GLG1: variants seen among roughly 807,000 people sequenced by gnomAD.
GLG1 encodes the protein golgi glycoprotein 1.
Under a neutral mutation model 160.5 loss-of-function variants are expected in GLG1, and 38 were observed. That is an observed-to-expected ratio of 0.24 (90% confidence interval 0.18 to 0.31). The LOEUF is 0.31. Among genes scored for constraint, GLG1 ranks in the 10% least tolerant of loss-of-function variants. GLG1 has a pLI of 1.00. For missense variants in GLG1, 1,373 were observed against 1,505.2 expected, an observed-to-expected ratio of 0.91 and a Z score of 1.45; for synonymous variants, 644 against 543.4, an observed-to-expected ratio of 1.19 and a Z score of -2.57.
chr16:74,467,288 G>C (rs1051089930), intron 18 of GLG1, among the ~76,000 whole-genome samples: 7 of 152,274 alleles, frequency 4.6e-5, no homozygotes, highest in Non-Finnish European at 5.9e-5. Flanking sequence ...AAAATCATTT[G>C]TTTGTATGTA....
chr16:74,469,855 GGA>G lies in GLG1; in HGVS notation c.2318+128_2318+129del. 20 of 683,882 alleles carry G rather than the reference GGA, an allele frequency of 2.9e-5. No individual in the cohort carries two copies. The South Asian group carries it at 3.3e-4, about 11-fold the overall frequency. 42.4% of individuals were successfully genotyped at this position (683,882 alleles called of 1,614,324 possible). A position where few individuals can be genotyped will look rare whatever the true frequency, so the allele number is the denominator to read the frequency against. ...CCGAGTGTTTGCCACGCTAATCAAA[GGA>G]GAGATGCGGGAGGCCTCCAGGGCTA... On this transcript the variant is annotated intron_variant, in intron 16 of 25. Coordinates refer to ENST00000422840, the MANE Select transcript of GLG1 (RefSeq NM_001145667.2).
Position 74,561,792 on chromosome 16 carries a change from G to T in GLG1, c.439-29639C>A, listed in dbSNP as rs536662276. On this transcript the variant is annotated intron_variant, in intron 1 of 25. Coordinates refer to ENST00000422840, the MANE Select transcript of GLG1 (RefSeq NM_001145667.2). ...CACAGAGATCCTGCACAGCCACCTG[G>T]TCCTTCCTGAATCCGTAAATCTTCC... Among the ~76,000 whole-genome samples, 72 of 152,240 alleles carry T rather than the reference G, an allele frequency of 4.7e-4. 1 individual carries two copies. In the South Asian group the frequency reaches 0.015, roughly 31 times the overall value.
intron 2 of GLG1, among the ~76,000 whole-genome samples, chr16:74,528,552 C>A (rs1449580059): frequency 6.6e-6 from 1 of 151,784 alleles, no homozygotes; most frequent in Non-Finnish European, 1.5e-5. Context: ...TGGCTCACAC[C>A]TATAATCCCA....
At chr16:74,587,411 T>A (rs972730101) in intron 1 of GLG1, among the ~76,000 whole-genome samples, 2 of 151,976 alleles carry the variant, frequency 1.3e-5, no homozygotes, top group Non-Finnish European at 2.9e-5. Flanking sequence ...GAATAAAGAG[T>A]TCTGTACTGA....
intron 2 of GLG1, among the ~76,000 whole-genome samples, chr16:74,531,393 A>G (rs2017527161): frequency 6.6e-6 from 1 of 152,200 alleles, no homozygotes; most frequent in Non-Finnish European, 1.5e-5. Flanking sequence ...ATCTCGGCTC[A>G]ATGAAACCTC....
At chr16:74,511,477 C>G (rs927518302) in intron 2 of GLG1, among the ~76,000 whole-genome samples, 3 of 151,032 alleles carry the variant, frequency 2.0e-5, no homozygotes, top group Non-Finnish European at 4.4e-5. Context: ...CATGGGGAAA[C>G]CCGGTCTCTA....
At position 74,606,891 on chromosome 16, in the gene GLG1, C is replaced by A; in HGVS notation, c.204G>T (p.Gln68His). ...PAGQQLPQLP[Q>H]SSQLQQQQQQ... is the part of the protein sequence containing the mutation. Reference sequence around the variant, plus strand: ...GCTGTTGCTGCTGAAGCTGCGATGACTGAGGCAGCTGGGGCAGCTGCTGAC... The same window carrying A: ...GCTGTTGCTGCTGAAGCTGCGATGAATGAGGCAGCTGGGGCAGCTGCTGAC... The change falls in exon 1 of 26, where the codon CAG becomes CAT. Residue 68 changes from glutamine to histidine, a missense_variant. By Grantham distance (24) the Gln-to-His change is conservative. Transcript: ENST00000422840. 6.2e-7 allele frequency: 1 copy of A among 1,602,784 alleles called. No individual in the cohort carries two copies. Among genetic ancestry groups the A allele is most frequent in the Non-Finnish European group, 8.5e-7 (1 of 1,176,050 alleles).
chr16:74,556,532 T>C (rs1010667290), intron 1 of GLG1, among the ~76,000 whole-genome samples: 9 of 151,944 alleles, frequency 5.9e-5, no homozygotes, highest in African/African-American at 9.7e-5. Context: ...ACAAATAAAA[T>C]AGTCAGCTGG....
At chr16:74,586,368 A>T (rs1215065835) in intron 1 of GLG1, among the ~76,000 whole-genome samples, 2 of 152,154 alleles carry the variant, frequency 1.3e-5, no homozygotes, top group African/African-American at 4.8e-5. Context: ...TATCTTGTAC[A>T]CTGGTAAAGG....
intron 8 of GLG1, among the ~76,000 whole-genome samples, chr16:74,486,986 T>C (rs1449107065): frequency 6.6e-6 from 1 of 150,690 alleles, no homozygotes; most frequent in Admixed American, 6.7e-5. Context: ...TGATCTCTGC[T>C]CACTGCAACC....
At chr16:74,506,435 A>G (rs2016605306) in intron 3 of GLG1, among the ~76,000 whole-genome samples, 1 of 151,444 alleles carries the variant, frequency 6.6e-6, no homozygotes, top group Non-Finnish European at 1.5e-5. Context: ...AAAAAAAATT[A>G]GCCATGTGTG....
intron 1 of GLG1, among the ~76,000 whole-genome samples, chr16:74,588,134 C>T (rs964722321): frequency 5.3e-5 from 8 of 151,940 alleles, no homozygotes; most frequent in African/African-American, 1.7e-4. Flanking sequence ...ACAGAGCCCA[C>T]TTGTGGGACA....
At chr16:74,603,084 C>T (rs1331017815) in intron 1 of GLG1, among the ~76,000 whole-genome samples, 1 of 143,962 alleles carries the variant, frequency 6.9e-6, no homozygotes, top group Non-Finnish European at 1.6e-5. Flanking sequence ...GGCAAGACTT[C>T]GTCTCAAACA....
In GLG1 at chr16:74,477,553, C is replaced by A. The variant is rs1245826706; in HGVS notation, c.1828-20G>T. ...TGAGAGCTGCATGAGAAAAAATGAG[C>A]TAAATACTTGAAAGGTAACAAAACA... On this transcript the variant is annotated intron_variant, in intron 11 of 25. Coordinates refer to ENST00000422840, the MANE Select transcript of GLG1 (RefSeq NM_001145667.2). The A allele has an allele frequency of 6.2e-7, 1 of 1,601,132 alleles. No homozygotes were observed. Among genetic ancestry groups the A allele is most frequent in the Non-Finnish European group, 8.5e-7 (1 of 1,171,988 alleles).
intron 1 of GLG1, among the ~76,000 whole-genome samples, chr16:74,567,905 T>C (rs1349235796): frequency 6.6e-6 from 1 of 152,122 alleles, no homozygotes; most frequent in Non-Finnish European, 1.5e-5. Context: ...TCTAGCCTCC[T>C]GGCTTTCTTT....
chr16:74,534,494 T>C (rs2017633419), intron 1 of GLG1, among the ~76,000 whole-genome samples: 3 of 152,326 alleles, frequency 2.0e-5, no homozygotes, highest in African/African-American at 7.2e-5. Flanking sequence ...GGTGCATTCT[T>C]GAAAGAAATT....
rs2014384769 is a variant in GLG1 at position 74,452,977 on chromosome 16, A to T, written c.*190T>A. 1 of 1,304,560 alleles carries T rather than the reference A, an allele frequency of 7.7e-7. No individual in the cohort carries two copies. The highest frequency in any genetic ancestry group is 9.7e-7 in the Non-Finnish European group (1 of 1,027,346). The allele number at this position is 1,304,560 out of a possible 1,614,324, so 80.8% of individuals were successfully genotyped here. On this transcript the variant is annotated 3_prime_UTR_variant, in exon 26 of 26. Coordinates refer to ENST00000422840, the MANE Select transcript of GLG1 (RefSeq NM_001145667.2). The stretch of plus-strand genomic sequence containing the variant: ...CCCAGCGACCAGCTGCTGCTGCTGC[A>T]CGGTGAGGAGGAGGAGGACACCATG...
At position 74,607,023 on chromosome 16, in the gene GLG1, C is replaced by A; in HGVS notation, c.72G>T (p.Ala24=). The change falls in exon 1 of 26, where the codon GCG becomes GCT. Residue 24 remains alanine, a synonymous_variant. Transcript: ENST00000422840. ...SAALHLLLLF[A]AGAEKLPGQG... is the part of the protein sequence containing the mutation. ...GGCCGGGGAGTTTCTCGGCCCCGGC[C>A]GCGAATAGCAGCAGCAGATGCAGCG... The A allele has an allele frequency of 6.3e-7, 1 of 1,599,062 alleles. No individual in the cohort carries two copies. The highest frequency in any genetic ancestry group is 1.1e-5 in the South Asian group (1 of 89,538).
At chr16:74,457,730 C>G (rs759353597) in intron 24 of GLG1, 144 bp downstream of exon 24, 3 of 660,550 alleles carry the variant, frequency 4.5e-6, no homozygotes, top group Non-Finnish European at 7.5e-6. Context: ...TTGGCATCAC[C>G]CAGGTCCCCA....
Sources: allele counts gnomAD v4.1 joint callset (sites outside exome capture counted in the v4.1 genomes callset), GRCh38; gene constraint gnomAD v4.1.1; transcripts MANE v1.5; gene names NCBI Gene and HGNC (gene_info 2026-07-23, HGNC 2026-07-21).